Variants in HERC4 observed in about 807,000 individuals in gnomAD.
HERC4 encodes the protein HECT and RLD domain containing E3 ubiquitin protein ligase 4.
In HERC4, 28 loss-of-function variants were observed where a neutral mutation model predicts 124.3. The ratio of observed to expected loss-of-function variants is 0.23; its 90% CI spans 0.17 to 0.31. The LOEUF is 0.31. Ranked by LOEUF, HERC4 falls within the 10% of genes least tolerant of loss-of-function variation. HERC4 has a pLI of 1.00. For missense variants in HERC4, 713 were observed against 1,229.3 expected (o/e 0.58, Z 6.28); for synonymous variants, 407 against 421.5 (o/e 0.97, Z 0.42).
At chr10:68,039,585 A>G (rs1185195888) in intron 4 of HERC4, 1 of 1,504,540 alleles carries the variant, frequency 6.6e-7, no homozygotes, top group African/African-American at 1.4e-5. Flanking sequence ...TTATGCTCTT[A>G]ACTACAAAAC....
intron 7 of HERC4, among the ~76,000 whole-genome samples, chr10:68,030,004 C>T (rs1374696175): frequency 6.6e-6 from 1 of 151,872 alleles, no homozygotes; most frequent in Non-Finnish European, 1.5e-5. Flanking sequence ...TCCCAAAGCA[C>T]TGGGATTACA....
intron 21 of HERC4, among the ~76,000 whole-genome samples, chr10:67,937,803 C>T (rs2032497301): frequency 6.6e-6 from 1 of 151,462 alleles, no homozygotes; most frequent in South Asian, 2.1e-4. Context: ...GCCTCAGCCT[C>T]CCCGAGTAGC....
chr10:68,026,889 C>T (rs1300767775), intron 7 of HERC4, among the ~76,000 whole-genome samples: 2 of 152,020 alleles, frequency 1.3e-5, no homozygotes, highest in East Asian at 3.9e-4. Flanking sequence ...GTAGTTCCAT[C>T]TACTTTGGAC....
At chr10:68,045,768 T>C (rs1256698586) in intron 3 of HERC4, among the ~76,000 whole-genome samples, 3 of 152,232 alleles carry the variant, frequency 2.0e-5, no homozygotes. Flanking sequence ...AAAAGTCTTA[T>C]GTTGAAAGTG....
At chr10:68,029,722 T>G (rs2039094673) in intron 7 of HERC4, among the ~76,000 whole-genome samples, 1 of 148,578 alleles carries the variant, frequency 6.7e-6, no homozygotes, top group South Asian at 2.1e-4. Flanking sequence ...TACATATAAT[T>G]TTTACATATA....
In HERC4 at chr10:68,064,630, A is replaced by C. The variant is rs138435561; in HGVS notation, c.226+8253T>G. On this transcript the variant is annotated intron_variant, in intron 3 of 24. Transcript: ENST00000373700. ...AAAAAGACATAAAAACTAAATTGAT[A>C]TATATATGTTCATTGCAGTATTACT... is the stretch of plus-strand genomic sequence containing the variant. 6.7e-3 allele frequency among the ~76,000 whole-genome samples: 1,021 copies of C among 151,986 alleles called. 6 individuals are homozygous for C. The highest frequency in any genetic ancestry group is 0.011 in the Non-Finnish European group (739 of 67,948).
intron 4 of HERC4, chr10:68,040,162 CA>C (rs2039688919): frequency 3.1e-6 from 3 of 981,912 alleles, no homozygotes; most frequent in Non-Finnish European, 1.2e-6. Context: ...TAAAATTTGC[CA>C]AAAATTTTCT....
intron 15 of HERC4, among the ~76,000 whole-genome samples, chr10:67,968,377 C>T (rs1218172240): frequency 2.1e-5 from 3 of 144,390 alleles, no homozygotes; most frequent in Non-Finnish European, 3.1e-5. Context: ...GAGGCTACTC[C>T]TTTTTTTTTT....
intron 13 of HERC4, 104 bp from the exon 14 acceptor site, chr10:67,990,504 T>G: frequency 1.6e-6 from 1 of 637,158 alleles, no homozygotes. Flanking sequence ...AAAGGAAAAT[T>G]TTGCACTACA....
intron 15 of HERC4, among the ~76,000 whole-genome samples, chr10:67,975,126 T>C (rs1239497193): frequency 6.6e-6 from 1 of 151,504 alleles, no homozygotes; most frequent in East Asian, 2.0e-4. Context: ...GAGGCAGAGG[T>C]TGTGGTGAGC....
In HERC4 at chr10:67,990,277, T is replaced by A. The variant is rs528853905; in HGVS notation, c.1567A>T (p.Thr523Ser). ...CPLMSDSNNF[T>S]TIAIPFGTAL... ...GTACCAAAGGGAATTGCTATTGTTG[T>A]GAAATTGTTGGAATCACTCATCAGG... The change falls in exon 14 of 25, where the codon ACA (threonine) becomes TCA (serine). Residue 523 changes from threonine (T) to serine (S), a missense_variant. By Grantham distance (58) the Thr-to-Ser change is moderately conservative. Transcript: ENST00000373700. The A allele has an allele frequency of 6.2e-7, 1 of 1,612,972 alleles. No individual in the cohort carries two copies. Among genetic ancestry groups the A allele is most frequent in the African/African-American group, 1.3e-5 (1 of 75,008 alleles).
chr10:67,967,519 T>C (rs972522877), intron 15 of HERC4, among the ~76,000 whole-genome samples: 1 of 152,128 alleles, frequency 6.6e-6, no homozygotes, highest in East Asian at 1.9e-4. Flanking sequence ...CTTTAGAAGG[T>C]GATATCTGGA....
intron 21 of HERC4, among the ~76,000 whole-genome samples, chr10:67,938,404 G>A (rs1383986125): frequency 1.3e-5 from 2 of 148,584 alleles, no homozygotes; most frequent in Non-Finnish European, 3.0e-5. Context: ...TTGCACAACT[G>A]CACTCCAGAC....
At chr10:68,034,245 A>G in intron 5 of HERC4, 59 bp from the exon 6 acceptor site, 1 of 1,230,578 alleles carries the variant, frequency 8.1e-7, no homozygotes, top group Non-Finnish European at 1.2e-6. Flanking sequence ...ATTTAATTTG[A>G]AAATAATCAT....
chr10:68,000,489 G>A (rs1205542415), intron 9 of HERC4, among the ~76,000 whole-genome samples: 1 of 151,964 alleles, frequency 6.6e-6, no homozygotes. Flanking sequence ...TGAGGTGGGA[G>A]GATCGCTTGA....
intron 3 of HERC4, among the ~76,000 whole-genome samples, chr10:68,053,813 T>A (rs181036061): frequency 1.3e-5 from 2 of 152,150 alleles, no homozygotes; most frequent in Non-Finnish European, 2.9e-5. Flanking sequence ...AACTAAAACA[T>A]TGATCATTTT....
chr10:67,974,042 T>C (rs1364257305), intron 15 of HERC4, among the ~76,000 whole-genome samples: 1 of 115,216 alleles, frequency 8.7e-6, no homozygotes, highest in Non-Finnish European at 1.7e-5. Context: ...AGAGACTCTG[T>C]CTCAAAAAAA....
At chr10:68,052,210 T>A (rs190583800) in intron 3 of HERC4, among the ~76,000 whole-genome samples, 145 of 152,318 alleles carry the variant, frequency 9.5e-4, no homozygotes, top group African/African-American at 3.4e-3. Flanking sequence ...ATATCCACTT[T>A]GTAGATAACG....
At chr10:67,980,373 T>C (rs1386811857) in intron 15 of HERC4, among the ~76,000 whole-genome samples, 5 of 152,098 alleles carry the variant, frequency 3.3e-5, no homozygotes, top group Non-Finnish European at 7.4e-5. Flanking sequence ...CCTCAGGTGA[T>C]ACACCCGCGT....
Sources: allele counts gnomAD v4.1 joint callset (sites outside exome capture counted in the v4.1 genomes callset), GRCh38; gene constraint gnomAD v4.1.1; transcripts MANE v1.5; gene names NCBI Gene and HGNC (gene_info 2026-07-23, HGNC 2026-07-21).